LRRFIP1: variants seen among roughly 807,000 people sequenced by gnomAD.
LRRFIP1 encodes LRR binding FLII interacting protein 1, also known as leucine-rich repeat flightless-interacting protein 1.
LRRFIP1 carries 62 observed loss-of-function variants against 104.4 expected under a neutral mutation model. The ratio of observed to expected loss-of-function variants is 0.59; its 90% CI spans 0.48 to 0.73. The LOEUF is 0.73. Ranked by LOEUF, LRRFIP1 falls within the 30% of genes least tolerant of loss-of-function variation. The pLI is 0.00. For synonymous variants in LRRFIP1, 300 were observed against 299.0 expected (o/e 1.00, Z -0.03); for missense variants, 796 against 824.5 (o/e 0.97, Z 0.42).
intron 11 of LRRFIP1, among the ~76,000 whole-genome samples, chr2:237,744,876 G>C (rs2057605413): frequency 1.3e-5 from 2 of 152,258 alleles, no homozygotes; most frequent in Admixed American, 1.3e-4. Context: ...TCCCGTCCTG[G>C]GCTAAGGTGG....
At chr2:237,770,441 T>C (rs1294595141) in intron 20 of LRRFIP1, 1 of 166,548 alleles carries the variant, frequency 6.0e-6, no homozygotes, top group Non-Finnish European at 1.3e-5. Flanking sequence ...AGGTGTTTCT[T>C]TGTTACAGCT....
chr2:237,756,020 A>G, intron 15 of LRRFIP1, 75 bp from the exon 16 acceptor site: 2 of 891,548 alleles, frequency 2.2e-6, no homozygotes, highest in Non-Finnish European at 3.6e-6. Flanking sequence ...CAGAAACTAT[A>G]AATCGTGAGA....
In LRRFIP1 at chr2:237,674,738, G is replaced by A. The variant is rs2090879242; in HGVS notation, c.97-33806G>A. On this transcript the variant is annotated intron_variant, in intron 1 of 23. Transcript: ENST00000308482. The stretch of plus-strand genomic sequence containing the variant: ...TGAATGCGGGCAAAAACCTTCGGTA[G>A]TATTAGAAGTGTGACCTCAGCACCA... Among the ~76,000 whole-genome samples, 4 of 152,256 alleles carry A rather than the reference G, an allele frequency of 2.6e-5. No homozygotes were observed. The South Asian group carries it at 8.3e-4, about 31-fold the overall frequency.
At chr2:237,646,180 G>A (rs984231579) in intron 1 of LRRFIP1, among the ~76,000 whole-genome samples, 2 of 151,662 alleles carry the variant, frequency 1.3e-5, no homozygotes, top group African/African-American at 4.8e-5. Flanking sequence ...TTGTCATTAG[G>A]GAAGATGGAA....
intron 1 of LRRFIP1, among the ~76,000 whole-genome samples, chr2:237,646,540 C>A (rs1185182159): frequency 2.0e-5 from 3 of 151,926 alleles, no homozygotes; most frequent in Non-Finnish European, 4.4e-5. Context: ...TGTTTGCCCC[C>A]ACAAGCCCGC....
intron 1 of LRRFIP1, among the ~76,000 whole-genome samples, chr2:237,671,051 A>G (rs1453767998): frequency 1.3e-5 from 2 of 152,198 alleles, no homozygotes; most frequent in East Asian, 3.9e-4. Flanking sequence ...TTTCATCTGA[A>G]GAGCGCTATG....
intron 7 of LRRFIP1, among the ~76,000 whole-genome samples, chr2:237,724,661 C>T (rs562661627): frequency 2.6e-5 from 4 of 152,300 alleles, no homozygotes; most frequent in African/African-American, 9.6e-5. Context: ...CAGCAACTCT[C>T]CTGTTCTTTA....
chr2:237,695,588 G>C (rs1209318423), intron 1 of LRRFIP1, among the ~76,000 whole-genome samples: 2 of 152,114 alleles, frequency 1.3e-5, no homozygotes, highest in Non-Finnish European at 2.9e-5. Flanking sequence ...ATATCTGCTC[G>C]TATTTAAAGG....
intron 1 of LRRFIP1, among the ~76,000 whole-genome samples, chr2:237,671,929 G>A (rs562154070): frequency 7.3e-5 from 11 of 149,830 alleles, no homozygotes; most frequent in East Asian, 1.9e-4. Context: ...TAACTAACCC[G>A]TCTGGCAACA....
At chr2:237,660,896 T>A (rs541471840) in intron 1 of LRRFIP1, among the ~76,000 whole-genome samples, 1 of 152,208 alleles carries the variant, frequency 6.6e-6, no homozygotes, top group South Asian at 2.1e-4. Context: ...ATATATTCCA[T>A]CACCTTCAAT....
intron 1 of LRRFIP1, among the ~76,000 whole-genome samples, chr2:237,666,526 G>A (rs2089279255): frequency 6.6e-6 from 1 of 151,848 alleles, no homozygotes; most frequent in South Asian, 2.1e-4. Context: ...AAGCCAACAT[G>A]TCTTTGGTAT....
intron 13 of LRRFIP1, among the ~76,000 whole-genome samples, chr2:237,750,153 G>A (rs1490965119): frequency 2.6e-5 from 4 of 152,006 alleles, no homozygotes; most frequent in East Asian, 3.9e-4. Flanking sequence ...GGACGGAGAG[G>A]GATTTAAGCA....
At chr2:237,676,421 C>T (rs1458789877) in intron 1 of LRRFIP1, among the ~76,000 whole-genome samples, 1 of 152,166 alleles carries the variant, frequency 6.6e-6, no homozygotes, top group Non-Finnish European at 1.5e-5. Flanking sequence ...CGAAAATTCA[C>T]GTGGGGACAT....
At chr2:237,674,027 G>C (rs968684995) in intron 1 of LRRFIP1, among the ~76,000 whole-genome samples, 1 of 152,198 alleles carries the variant, frequency 6.6e-6, no homozygotes, top group African/African-American at 2.4e-5. Context: ...TGGGCACAGG[G>C]ACTTCAAGTG....
intron 3 of LRRFIP1, among the ~76,000 whole-genome samples, chr2:237,714,858 A>T (rs763692336): frequency 4.6e-5 from 7 of 152,238 alleles, no homozygotes; most frequent in Non-Finnish European, 8.8e-5. Flanking sequence ...GAAAATAAAG[A>T]CAAGCAAGTC....
chr2:237,657,557 G>A (rs572663468), intron 1 of LRRFIP1, among the ~76,000 whole-genome samples: 58 of 152,256 alleles, frequency 3.8e-4, no homozygotes, highest in African/African-American at 1.3e-3. Flanking sequence ...CAATTTCTCC[G>A]TGGCAACATT....
At chr2:237,748,700 TTACTA>T (rs2058204763) in intron 12 of LRRFIP1, among the ~76,000 whole-genome samples, 1 of 152,162 alleles carries the variant, frequency 6.6e-6, no homozygotes. Context: ...TCCTTACAGT[TTACTA>T]TAAGCCCATG....
Position 237,685,113 on chromosome 2 carries a change from C to G in LRRFIP1, c.97-23431C>G, listed in dbSNP as rs371994385. Among the ~76,000 whole-genome samples the G allele has an allele frequency of 1.1e-3, 167 of 150,114 alleles. 1 individual carries two copies. Among genetic ancestry groups the G allele is most frequent in the Admixed American group, 3.1e-3 (47 of 15,050 alleles). ...GAGACCTTGTCTCCCTACCCTCCCC[C>G]CCCCACACAAAAAAACCCCAAAAAT... On this transcript the variant is annotated intron_variant, in intron 1 of 23. Coordinates refer to ENST00000308482, the MANE Select transcript of LRRFIP1 (RefSeq NM_001137550.2).
intron 18 of LRRFIP1, 116 bp from the exon 19 acceptor site, chr2:237,759,948 G>A: frequency 1.2e-6 from 1 of 864,854 alleles, no homozygotes; most frequent in Non-Finnish European, 1.8e-6. Flanking sequence ...TCTTGTCTCT[G>A]TGGAGTTACC....
Sources: allele counts gnomAD v4.1 joint callset (sites outside exome capture counted in the v4.1 genomes callset), GRCh38; gene constraint gnomAD v4.1.1; transcripts MANE v1.5; gene names NCBI Gene and HGNC (gene_info 2026-07-23, HGNC 2026-07-21).